Variants in P2RY8 observed in about 807,000 individuals in gnomAD.
P2RY8 encodes the protein P2Y receptor family member 8, also known as S-geranylgeranyl-glutathione receptor P2RY8.
Under a neutral mutation model 10.0 loss-of-function variants are expected in P2RY8, and 6 were observed. The observed-to-expected ratio is 0.60, with a 90% CI of 0.33 to 1.19. The LOEUF is 1.19. Among genes scored for constraint, P2RY8 ranks in the 50% most tolerant of loss-of-function variants. The probability of loss-of-function intolerance (pLI) is 0.04; values close to 1 mark genes in which losing one functional copy is unlikely to be tolerated. For missense variants in P2RY8, 456 were observed against 542.0 expected (o/e 0.84, Z 1.58); for synonymous variants, 276 against 252.5 (o/e 1.09, Z -0.88).
chrX:1,526,509 C>T (rs2092441344), intron 1 of P2RY8, among the ~76,000 whole-genome samples: 1 of 152,052 alleles, frequency 6.6e-6, no homozygotes, highest in Non-Finnish European at 1.5e-5. Context: ...TCCATTCAGT[C>T]ATCCATGCAT....
intron 1 of P2RY8, among the ~76,000 whole-genome samples, chrX:1,471,405 C>A (rs1184957443): frequency 7.2e-6 from 1 of 139,846 alleles, no homozygotes; most frequent in Non-Finnish European, 1.5e-5. Flanking sequence ...GATGTATGAT[C>A]CACCCTCCTC....
chrX:1,513,160 C>G (rs1456793306), intron 1 of P2RY8, among the ~76,000 whole-genome samples: 1 of 151,456 alleles, frequency 6.6e-6, no homozygotes, highest in African/African-American at 2.4e-5. Context: ...CTGAGAGTGA[C>G]TTTCTGGCTT....
chrX:1,509,960 T>C (rs1211467783), intron 1 of P2RY8, among the ~76,000 whole-genome samples: 2 of 81,464 alleles, frequency 2.5e-5, no homozygotes, highest in East Asian at 5.0e-4. Flanking sequence ...GTAAATATTA[T>C]CTATGCATCC....
intron 1 of P2RY8, among the ~76,000 whole-genome samples, chrX:1,509,105 A>ATCTG (rs2092267216): frequency 8.8e-6 from 1 of 114,006 alleles, no homozygotes; most frequent in African/African-American, 3.2e-5. Flanking sequence ...CTATGTATCT[A>ATCTG]TCTATCTATC....
Position 1,465,393 on chromosome X carries a change from C to A in P2RY8, c.*86G>T, listed in dbSNP as rs1232731836. 1.1e-4 allele frequency: 168 copies of A among 1,514,822 alleles called. 4 individuals carry two copies. In the South Asian group the frequency reaches 2.1e-3, roughly 19 times the overall value. 93.8% of individuals were successfully genotyped at this position (1,514,822 alleles called of 1,614,324 possible). The stretch of plus-strand genomic sequence containing the variant: ...TGCCTGGGAGCAACGCAGCTGTTCT[C>A]CCTGAACCTCTGGCACCGTGGCCTC... On this transcript the variant is annotated 3_prime_UTR_variant, in exon 2 of 2. Transcript: ENST00000381297.
chrX:1,486,108 C>T (rs1188982243), intron 1 of P2RY8, among the ~76,000 whole-genome samples: 4 of 152,120 alleles, frequency 2.6e-5, no homozygotes, highest in Non-Finnish European at 5.9e-5. Context: ...ATCCCAGCCA[C>T]TTGGGAGGCT....
At chrX:1,478,217 C>A (rs1292397207) in intron 1 of P2RY8, among the ~76,000 whole-genome samples, 1 of 139,310 alleles carries the variant, frequency 7.2e-6, no homozygotes, top group Non-Finnish European at 1.6e-5. Flanking sequence ...GACACCAATG[C>A]TTTTAAAATG....
rs1349432420 is a variant in P2RY8 at position 1,462,789 on chromosome X, C to T, written c.*2690G>A. 5 of 232,756 alleles carry T rather than the reference C, an allele frequency of 2.1e-5. No individual in the cohort carries two copies. Among genetic ancestry groups the T allele is most frequent in the Admixed American group, 1.7e-4 (3 of 17,728 alleles). The allele number at this position is 232,756 out of a possible 1,614,324, so 14.4% of individuals were successfully genotyped here. A position where few individuals can be genotyped will look rare whatever the true frequency, so the allele number is the denominator to read the frequency against. ...TTGGAATCCCTCCCTCTCTCCATGTCCTGCCAAGAACAGAAGTAAAGTTTT... is the reference window on the plus strand; with the variant it reads ...TTGGAATCCCTCCCTCTCTCCATGTTCTGCCAAGAACAGAAGTAAAGTTTT... On this transcript the variant is annotated 3_prime_UTR_variant, in exon 2 of 2. Coordinates refer to ENST00000381297, the MANE Select transcript of P2RY8 (RefSeq NM_178129.5).
Position 1,468,129 on chromosome X carries a change from G to C in P2RY8, c.-24-1547C>G, listed in dbSNP as rs747579757. Among the ~76,000 whole-genome samples, 61 of 129,350 alleles carry C rather than the reference G, an allele frequency of 4.7e-4. 2 individuals carry two copies. In the South Asian group the frequency reaches 0.015, roughly 31 times the overall value. 84.9% of individuals were successfully genotyped at this position (129,350 alleles called of 152,430 possible). On this transcript the variant is annotated intron_variant, in intron 1 of 1. Transcript: ENST00000381297. ...ATATTTTTATTTTCTGTAGACATGG[G>C]GTTTGGCTATGTTGCCCAGGCTGGT...
Position 1,466,434 on chromosome X carries a change from A to C in P2RY8, c.125T>G (p.Leu42Arg). Residue 42 changes from leucine to arginine, a missense_variant, in exon 2 of 2, where the codon CTC becomes CGC. Physicochemically the swap from Leu to Arg is moderately radical, Grantham distance 102. Coordinates refer to ENST00000381297, the MANE Select transcript of P2RY8 (RefSeq NM_178129.5). ...LVAAVSIPGN[L>R]FSLWVLCRRM... ...CCGGCACAGCACCCACAGAGAGAAG[A>C]GGTTGCCCGGGATGCTGACCGCCGC... 1 of 1,612,918 alleles carries C rather than the reference A, an allele frequency of 6.2e-7. No homozygotes were observed. The highest frequency in any genetic ancestry group is 8.5e-7 in the Non-Finnish European group (1 of 1,179,794).
At chrX:1,513,755 T>C (rs1302637621) in intron 1 of P2RY8, among the ~76,000 whole-genome samples, 1 of 150,836 alleles carries the variant, frequency 6.6e-6, no homozygotes, top group Non-Finnish European at 1.5e-5. Flanking sequence ...TGGGAGGCTC[T>C]AAGGGAGGAT....
At chrX:1,505,652 T>A (rs1236125727) in intron 1 of P2RY8, among the ~76,000 whole-genome samples, 1 of 152,020 alleles carries the variant, frequency 6.6e-6, no homozygotes, top group African/African-American at 2.4e-5. Flanking sequence ...TAGCTGGGTG[T>A]GGTGGCGGGC....
chrX:1,470,480 T>C (rs1320978704), intron 1 of P2RY8, among the ~76,000 whole-genome samples: 4 of 151,862 alleles, frequency 2.6e-5, no homozygotes, highest in Non-Finnish European at 4.4e-5. Context: ...GATCACACCA[T>C]TGCACTCCAG....
Position 1,523,583 on chromosome X carries a change from G to A in P2RY8, c.-25+13338C>T, listed in dbSNP as rs758221366. 7.9e-5 allele frequency among the ~76,000 whole-genome samples: 12 copies of A among 152,294 alleles called. No individual in the cohort carries two copies. The East Asian group carries it at 1.3e-3, about 17-fold the overall frequency. Reference sequence around the variant, plus strand: ...AATAGGTACAGGTCTCCTTCTGAGCGTCATAAAAATGTATTGGAAGTACAC... The same window carrying A: ...AATAGGTACAGGTCTCCTTCTGAGCATCATAAAAATGTATTGGAAGTACAC... On this transcript the variant is annotated intron_variant, in intron 1 of 1. Transcript: ENST00000381297.
chrX:1,496,225 C>A (rs1210492975), intron 1 of P2RY8, among the ~76,000 whole-genome samples: 2 of 152,178 alleles, frequency 1.3e-5, no homozygotes, highest in East Asian at 3.9e-4. Context: ...TGGACGTCAA[C>A]TTGGGTACCA....
At chrX:1,509,002 T>TCATCCATCCATCCATCCATC (rs776849927) in intron 1 of P2RY8, among the ~76,000 whole-genome samples, 2 of 116,610 alleles carry the variant, frequency 1.7e-5, no homozygotes, top group South Asian at 2.8e-4. Context: ...CTGTATGTGT[T>TCATCCATCCATCCATCCATC]CATCCATCCA....
At chrX:1,514,949 G>T (rs1279626807) in intron 1 of P2RY8, among the ~76,000 whole-genome samples, 1 of 134,680 alleles carries the variant, frequency 7.4e-6, no homozygotes, top group Non-Finnish European at 1.6e-5. Flanking sequence ...TGCTGTCCTG[G>T]CTGAAGTGCG....
intron 1 of P2RY8, among the ~76,000 whole-genome samples, chrX:1,508,691 A>C (rs773664336): frequency 2.2e-5 from 2 of 89,078 alleles, no homozygotes; most frequent in Admixed American, 1.1e-4. Flanking sequence ...TCATCCATCC[A>C]TCCATCCATC....
At position 1,502,648 on chromosome X, in the gene P2RY8, AGG is replaced by A. The variant is rs1486847389; in HGVS notation, c.-25+34271_-25+34272del. ...GTGTCCTGAGCCCTGCTATTTGGGG[AGG>A]GGGTTTCATTTGGAAAAGAGGGTCT... On this transcript the variant is annotated intron_variant, in intron 1 of 1. Transcript: ENST00000381297. 5.9e-5 allele frequency among the ~76,000 whole-genome samples: 9 copies of A among 152,102 alleles called. 1 individual carries two copies. Among genetic ancestry groups the A allele is most frequent in the Admixed American group, 1.3e-4 (2 of 15,274 alleles).
Sources: gnomAD v4.1 joint callset for allele counts (sites outside exome capture counted in the v4.1 genomes callset) on GRCh38, gnomAD v4.1.1 for gene constraint, MANE v1.5 for transcripts, NCBI Gene and HGNC (gene_info 2026-07-23, HGNC 2026-07-21) for gene names.